Variants in PPM1B observed in about 807,000 individuals in gnomAD.
PPM1B encodes protein phosphatase, Mg2+/Mn2+ dependent 1B.
A neutral mutation model predicts 43.0 loss-of-function variants in PPM1B; 22 were observed. The observed-to-expected ratio is 0.51, with a 90% CI of 0.37 to 0.73. PPM1B has a LOEUF of 0.73. Ranked by LOEUF, PPM1B falls within the 30% of genes least tolerant of loss-of-function variation. The pLI is 0.00. For missense variants in PPM1B, 632 were observed against 584.2 expected, an observed-to-expected ratio of 1.08 and a Z score of -0.84; for synonymous variants, 217 against 197.9, an observed-to-expected ratio of 1.10 and a Z score of -0.81.
chr2:44,207,969 A>G (rs1317175809), intron 2 of PPM1B, among the ~76,000 whole-genome samples: 1 of 147,956 alleles, frequency 6.8e-6, no homozygotes, highest in Non-Finnish European at 1.5e-5. Context: ...GCTCACTGCA[A>G]CCTCCACCTC....
chr2:44,175,843 T>C (rs1263160360), intron 1 of PPM1B, among the ~76,000 whole-genome samples: 7 of 149,422 alleles, frequency 4.7e-5, no homozygotes, highest in Non-Finnish European at 3.0e-5. Context: ...TGGAGTGCAG[T>C]GGTATGATCT....
At chr2:44,241,886 T>C (rs1211501209) in intron 5 of PPM1B, among the ~76,000 whole-genome samples, 1 of 68,884 alleles carries the variant, frequency 1.5e-5, no homozygotes, top group Non-Finnish European at 2.7e-5. Flanking sequence ...TGAGACGGAG[T>C]CTCGCACTCT....
intron 1 of PPM1B, among the ~76,000 whole-genome samples, chr2:44,191,327 C>A (rs1439700767): frequency 6.6e-6 from 1 of 152,048 alleles, no homozygotes; most frequent in African/African-American, 2.4e-5. Flanking sequence ...TATTCTCCTG[C>A]CTCAGCCTGC....
chr2:44,225,061 G>A (rs921194830), intron 5 of PPM1B, among the ~76,000 whole-genome samples: 14 of 152,090 alleles, frequency 9.2e-5, no homozygotes, highest in African/African-American at 2.9e-4. Context: ...GATTGTCACC[G>A]TGACAAATAA....
Position 44,172,783 on chromosome 2 carries a change from C to T in PPM1B, c.-15+3509C>T, listed in dbSNP as rs200644490. Among the ~76,000 whole-genome samples, 26 of 152,146 alleles carry T rather than the reference C, an allele frequency of 1.7e-4. 1 individual carries two copies. The East Asian group carries it at 4.1e-3, about 24-fold the overall frequency. ...TTAGCTGGGCTTGGTGGTGTGTGCA[C>T]CTGTAGTTAGCTGCTTGGGAGGCTG... On this transcript the variant is annotated intron_variant, in intron 1 of 5. Transcript: ENST00000282412.
At chr2:44,225,012 T>G (rs564870518) in intron 5 of PPM1B, among the ~76,000 whole-genome samples, 1 of 152,292 alleles carries the variant, frequency 6.6e-6, no homozygotes, top group South Asian at 2.1e-4. Flanking sequence ...TTGATGTTAA[T>G]TATACCTGTG....
chr2:44,193,650 G>A (rs1668515992), intron 1 of PPM1B, among the ~76,000 whole-genome samples: 1 of 145,138 alleles, frequency 6.9e-6, no homozygotes, highest in African/African-American at 2.6e-5. Context: ...TACGATCTCA[G>A]CTCACTGTAA....
At chr2:44,232,655 A>G (rs189062768), downstream of PPM1B, 4 of 1,167,220 alleles carry the variant, frequency 3.4e-6, no homozygotes, top group Admixed American at 1.4e-4. Context: ...CCTGAGGTGC[A>G]TGGGAAATAT....
At chr2:44,236,518 T>A (rs1670628823), downstream of PPM1B, among the ~76,000 whole-genome samples, 2 of 151,970 alleles carry the variant, frequency 1.3e-5, no homozygotes, top group Non-Finnish European at 2.9e-5. Context: ...AAATGGTTTT[T>A]AATAACAGGA....
At position 44,227,644 on chromosome 2, in the gene PPM1B, G is replaced by A. The variant is rs1037866002; in HGVS notation, c.1135-2769G>A. On this transcript the variant is annotated intron_variant, in intron 5 of 5. Coordinates refer to ENST00000282412, the MANE Select transcript of PPM1B (RefSeq NM_002706.6). Reference sequence around the variant, plus strand: ...AGCAATTCTCCTGCCTCAGCCTCCCGAGTAGCTGAGATTACTGATGCACAC... The same window carrying A: ...AGCAATTCTCCTGCCTCAGCCTCCCAAGTAGCTGAGATTACTGATGCACAC... Among the ~76,000 whole-genome samples the A allele has an allele frequency of 1.4e-4, 21 of 150,806 alleles. No individual in the cohort carries two copies. In the East Asian group the frequency reaches 2.8e-3, roughly 20 times the overall value.
At chr2:44,239,971 A>G (rs7606089) in intron 5 of PPM1B, among the ~76,000 whole-genome samples, 44,997 of 118,768 alleles carry the variant, frequency 0.38, 12,274 homozygotes, top group African/African-American at 0.65. Flanking sequence ...GCTGACATCT[A>G]GCAGGTATAC....
intron 5 of PPM1B, among the ~76,000 whole-genome samples, chr2:44,223,170 G>C (rs1271917371): frequency 6.6e-6 from 1 of 152,140 alleles, no homozygotes; most frequent in Non-Finnish European, 1.5e-5. Context: ...ATTTTATAAA[G>C]TTGTTGAAAG....
intron 1 of PPM1B, among the ~76,000 whole-genome samples, chr2:44,182,721 C>T (rs1035671950): frequency 2.3e-4 from 35 of 152,020 alleles, no homozygotes; most frequent in African/African-American, 8.2e-4. Flanking sequence ...GTTATGCTTT[C>T]TTTGACTCTA....
At chr2:44,228,002 A>G (rs562971646) in intron 5 of PPM1B, among the ~76,000 whole-genome samples, 1 of 142,852 alleles carries the variant, frequency 7.0e-6, no homozygotes, top group Non-Finnish European at 1.5e-5. Flanking sequence ...GGTCACTGCA[A>G]CCTCCGCCCT....
At chr2:44,182,890 C>G (rs1667950693) in intron 1 of PPM1B, among the ~76,000 whole-genome samples, 1 of 150,756 alleles carries the variant, frequency 6.6e-6, no homozygotes, top group South Asian at 2.1e-4. Context: ...AGAGCTTCGT[C>G]TAACAAGGGA....
chr2:44,236,060 A>C (rs556350118), downstream of PPM1B, among the ~76,000 whole-genome samples: 2 of 151,962 alleles, frequency 1.3e-5, no homozygotes, highest in African/African-American at 2.4e-5. Flanking sequence ...TCTTAATGCT[A>C]AAAGTAGAAA....
chr2:44,217,200 G>A (rs900691538), intron 3 of PPM1B, among the ~76,000 whole-genome samples: 6 of 152,120 alleles, frequency 3.9e-5, no homozygotes, highest in African/African-American at 1.4e-4. Flanking sequence ...GGGAGTTTGA[G>A]ATCAGCCTGA....
intron 5 of PPM1B, among the ~76,000 whole-genome samples, chr2:44,227,143 A>G (rs1049851325): frequency 6.6e-6 from 1 of 151,476 alleles, no homozygotes; most frequent in Admixed American, 6.6e-5. Context: ...CTAATTTTTT[A>G]AATTTTTGTT....
At chr2:44,191,154 A>G (rs1356698973) in intron 1 of PPM1B, among the ~76,000 whole-genome samples, 1 of 152,212 alleles carries the variant, frequency 6.6e-6, no homozygotes, top group Non-Finnish European at 1.5e-5. Context: ...ATGTTTTTAA[A>G]TACTTTTGCC....
Sources: gnomAD v4.1 joint callset for allele counts (sites outside exome capture counted in the v4.1 genomes callset) on GRCh38, gnomAD v4.1.1 for gene constraint, MANE v1.5 for transcripts, NCBI Gene and HGNC (gene_info 2026-07-23, HGNC 2026-07-21) for gene names.